Variants in MSRB2 observed in about 807,000 individuals in gnomAD.
MSRB2 encodes methionine sulfoxide reductase B2.
Under a neutral mutation model 19.0 loss-of-function variants are expected in MSRB2, and 17 were observed. The observed-to-expected ratio is 0.89, with a 90% CI of 0.61 to 1.34. The LOEUF (loss-of-function observed/expected upper bound fraction) is 1.34, where lower values mean the gene tolerates loss of function less well. MSRB2 is among the 40% of genes most tolerant of loss of function. MSRB2 has a pLI of 0.00. For synonymous variants in MSRB2, 107 were observed against 99.7 expected, an observed-to-expected ratio of 1.07 and a Z score of -0.44; for missense variants, 208 against 237.6, an observed-to-expected ratio of 0.88 and a Z score of 0.82.
chr10:23,108,758 G>A (rs1183255982), intron 2 of MSRB2, among the ~76,000 whole-genome samples: 2 of 152,084 alleles, frequency 1.3e-5, no homozygotes, highest in Non-Finnish European at 2.9e-5. Context: ...TTACAGGCAT[G>A]AGCCACCACA....
chr10:23,109,351 A>C (rs2131628061), intron 2 of MSRB2, among the ~76,000 whole-genome samples: 1 of 152,216 alleles, frequency 6.6e-6, no homozygotes, highest in South Asian at 2.1e-4. Context: ...GGAGTTCGAG[A>C]CCAGCCTGGC....
intron 2 of MSRB2, among the ~76,000 whole-genome samples, chr10:23,108,849 G>T (rs1433471338): frequency 6.6e-6 from 1 of 152,124 alleles, no homozygotes; most frequent in African/African-American, 2.4e-5. Flanking sequence ...GGCCATAAAG[G>T]ACCAGCTCAC....
At chr10:23,108,989 A>G (rs1279453775) in intron 2 of MSRB2, among the ~76,000 whole-genome samples, 1 of 152,254 alleles carries the variant, frequency 6.6e-6, no homozygotes, top group African/African-American at 2.4e-5. Context: ...TGTGCTGTTA[A>G]TACTACCACA....
rs1839850872 is a variant in MSRB2, at chr10:23,095,643, C to T, written c.35C>T (p.Thr12Ile). The T allele has an allele frequency of 1.4e-6, 2 of 1,452,114 alleles. No homozygotes were observed. The highest frequency in any genetic ancestry group is 1.3e-5 in the South Asian group (1 of 74,672). 90.0% of individuals were successfully genotyped at this position (1,452,114 alleles called of 1,614,324 possible). ...CTCCTCTGGTTGCTCCGGGGCCTGA[C>T]CCTCGGAACTGCGCCTCGGCGGGCG... ...ARLLWLLRGL[T>I]LGTAPRRAVR... The change falls in exon 1 of 5, where the codon ACC (threonine) becomes ATC (isoleucine). Residue 12 changes from threonine to isoleucine, a missense_variant. Coordinates refer to ENST00000376510, the MANE Select transcript of MSRB2 (RefSeq NM_012228.4).
chr10:23,104,297 C>G (rs1555805), intron 2 of MSRB2, 53 bp downstream of exon 2: 569,551 of 1,490,612 alleles, frequency 0.38, 110,338 homozygotes, highest in African/African-American at 0.47. Flanking sequence ...CAGTGAGGGG[C>G]CAGTTGGAAT....
At chr10:23,110,924 A>G (rs1043459802) in intron 3 of MSRB2, among the ~76,000 whole-genome samples, 3 of 152,216 alleles carry the variant, frequency 2.0e-5, no homozygotes, top group Non-Finnish European at 4.4e-5. Context: ...ACAGTCTTAA[A>G]AAAAAGTAGA....
chr10:23,095,810 G>A (rs997620150), intron 1 of MSRB2, 84 bp downstream of exon 1: 180 of 963,544 alleles, frequency 1.9e-4, no homozygotes, highest in Admixed American at 8.1e-4. Context: ...CCTAGGGCCG[G>A]TCCAGGCCGG....
intron 3 of MSRB2, among the ~76,000 whole-genome samples, chr10:23,115,109 G>T (rs527711926): frequency 6.6e-6 from 1 of 152,222 alleles, no homozygotes; most frequent in African/African-American, 2.4e-5. Context: ...GTTTTGGAGA[G>T]CTTCTGCCTC....
chr10:23,117,287 T>G (rs1339958666), intron 3 of MSRB2, among the ~76,000 whole-genome samples: 3 of 152,166 alleles, frequency 2.0e-5, no homozygotes, highest in Middle Eastern at 3.2e-3. Context: ...CCCCAGAGAT[T>G]CCTGGGGGGG....
intron 3 of MSRB2, among the ~76,000 whole-genome samples, chr10:23,118,519 C>G (rs1017100139): frequency 6.6e-6 from 1 of 151,830 alleles, no homozygotes; most frequent in South Asian, 2.1e-4. Flanking sequence ...TGCCTGCTGT[C>G]CTTCTCCTTG....
chr10:23,119,590 T>TTTTGC (rs1428469299), intron 4 of MSRB2, 139 bp downstream of exon 4: 2 of 1,066,792 alleles, frequency 1.9e-6, no homozygotes, highest in Non-Finnish European at 2.6e-6. Flanking sequence ...TTCTTTTTTG[T>TTTTGC]TTTGCTTTGT....
intron 3 of MSRB2, among the ~76,000 whole-genome samples, chr10:23,111,245 G>A (rs549086687): frequency 1.4e-4 from 22 of 152,286 alleles, no homozygotes; most frequent in African/African-American, 4.8e-4. Context: ...ATGCATTCAC[G>A]TTGGCATGGG....
At position 23,101,415 on chromosome 10, in the gene MSRB2, T is replaced by C. The variant is rs976224612; in HGVS notation, c.119-2729T>C. 5.9e-5 allele frequency among the ~76,000 whole-genome samples: 9 copies of C among 152,252 alleles called. No individual in the cohort carries two copies. The East Asian group carries it at 1.5e-3, about 26-fold the overall frequency. ...ATTTCTTTATCCACTAGTTGATTGA[T>C]GGGCATTTGTGTTGGCTCCATATTT... On this transcript the variant is annotated intron_variant, in intron 1 of 4. Coordinates refer to ENST00000376510, the MANE Select transcript of MSRB2 (RefSeq NM_012228.4).
intron 3 of MSRB2, among the ~76,000 whole-genome samples, chr10:23,113,857 A>G (rs1219795136): frequency 6.6e-6 from 1 of 152,166 alleles, no homozygotes; most frequent in Non-Finnish European, 1.5e-5. Context: ...GATTCCCTAG[A>G]TGCTTCAGAG....
chr10:23,119,177 T>C, intron 3 of MSRB2, 127 bp from the exon 4 acceptor site: 1 of 1,204,584 alleles, frequency 8.3e-7, no homozygotes, highest in Non-Finnish European at 1.2e-6. Flanking sequence ...GTCGAATAAC[T>C]GGGCATGGGA....
chr10:23,098,268 G>A (rs1839888694), intron 1 of MSRB2, among the ~76,000 whole-genome samples: 2 of 152,128 alleles, frequency 1.3e-5, no homozygotes, highest in Admixed American at 1.3e-4. Flanking sequence ...TGGCAGTATA[G>A]CAACTGTGGC....
At chr10:23,104,121 A>G in intron 1 of MSRB2, 23 bp from the exon 2 acceptor site, 3 of 1,589,118 alleles carry the variant, frequency 1.9e-6, no homozygotes, top group Non-Finnish European at 1.7e-6. Flanking sequence ...TTTAATTTTT[A>G]AAATTCCTGT....
At chr10:23,095,824 C>G (rs1839855326) in intron 1 of MSRB2, 98 bp downstream of exon 1, 1 of 813,782 alleles carries the variant, frequency 1.2e-6, no homozygotes. Context: ...AGGCCGGGCG[C>G]TGCCCTCCTA....
Position 23,120,943 on chromosome 10 carries a change from AT to A in MSRB2, c.*84del. 4.5e-6 allele frequency: 5 copies of A among 1,119,462 alleles called. No homozygotes were observed. The highest frequency in any genetic ancestry group is 5.3e-6 in the Non-Finnish European group (4 of 761,722). The allele number at this position is 1,119,462 out of a possible 1,614,324, so 69.3% of individuals were successfully genotyped here. On this transcript the variant is annotated 3_prime_UTR_variant, in exon 5 of 5. Coordinates refer to ENST00000376510, the MANE Select transcript of MSRB2 (RefSeq NM_012228.4). ...ACAATTCACTTGAATGACTTGTTTT[AT>A]TTGCAATAAAACTGGGCTGAATTTG...
Sources: allele counts gnomAD v4.1 joint callset (sites outside exome capture counted in the v4.1 genomes callset), GRCh38; gene constraint gnomAD v4.1.1; transcripts MANE v1.5; gene names NCBI Gene and HGNC (gene_info 2026-07-23, HGNC 2026-07-21).